The following PPP1R9B variants were observed in gnomAD, a reference collection of about 807,000 sequenced individuals.
PPP1R9B encodes protein phosphatase 1 regulatory subunit 9B.
Under a neutral mutation model 75.8 loss-of-function variants are expected in PPP1R9B, and 17 were observed. The observed-to-expected ratio is 0.22, with a 90% CI of 0.15 to 0.34. The LOEUF (loss-of-function observed/expected upper bound fraction) is 0.34, where lower values mean the gene tolerates loss of function less well. Among genes scored for constraint, PPP1R9B ranks in the 10% least tolerant of loss-of-function variants. The pLI is 1.00. For synonymous variants in PPP1R9B, 509 were observed against 535.4 expected (o/e 0.95, Z 0.68); for missense variants, 875 against 1,196.0 (o/e 0.73, Z 3.96).
intron 1 of PPP1R9B, among the ~76,000 whole-genome samples, chr17:50,145,685 G>A (rs1912497823): frequency 6.6e-6 from 1 of 152,240 alleles, no homozygotes; most frequent in Non-Finnish European, 1.5e-5. Context: ...GGGAAGAGGA[G>A]GAGGGGAGAG....
intron 2 of PPP1R9B, among the ~76,000 whole-genome samples, chr17:50,144,543 C>T (rs1912465643): frequency 6.6e-6 from 1 of 152,176 alleles, no homozygotes; most frequent in Non-Finnish European, 1.5e-5. Flanking sequence ...GCCTCATTTG[C>T]ATGCTCTTCT....
At chr17:50,146,866 C>T (rs769555320) in intron 1 of PPP1R9B, among the ~76,000 whole-genome samples, 9 of 152,208 alleles carry the variant, frequency 5.9e-5, no homozygotes, top group Non-Finnish European at 1.2e-4. Flanking sequence ...GTTTCCACTG[C>T]ACACATGCCC....
intron 1 of PPP1R9B, among the ~76,000 whole-genome samples, chr17:50,145,497 C>T (rs1912490670): frequency 6.6e-6 from 1 of 152,194 alleles, no homozygotes; most frequent in African/African-American, 2.4e-5. Flanking sequence ...TCTGTAGCTC[C>T]AACCAGCGTG....
chr17:50,135,316 A>G lies in PPP1R9B; in HGVS notation c.*15T>C, dbSNP rs572933293. ...GAGGGGGGTTAATTATTGTCCAGTCATGGAATGATTCCTGTTAAGTAGAAT... is the reference window on the plus strand; with the variant it reads ...GAGGGGGGTTAATTATTGTCCAGTCGTGGAATGATTCCTGTTAAGTAGAAT... On this transcript the variant is annotated 3_prime_UTR_variant, in exon 10 of 10. Coordinates refer to ENST00000612501, the MANE Select transcript of PPP1R9B (RefSeq NM_032595.5). 6 of 1,607,906 alleles carry G rather than the reference A, an allele frequency of 3.7e-6. No individual in the cohort carries two copies. The South Asian group carries it at 6.6e-5, about 18-fold the overall frequency.
chr17:50,150,308 C>G lies in PPP1R9B; in HGVS notation c.206G>C (p.Gly69Ala), dbSNP rs1227728813. ...SMFLQMGTTA[G>A]PSGEAGGGAG... ...GCCGCCGCCCGCCTCGCCCGAGGGCCCCGCCGTCGTGCCCATCTGCAGGAA... is the reference window on the plus strand; with the variant it reads ...GCCGCCGCCCGCCTCGCCCGAGGGCGCCGCCGTCGTGCCCATCTGCAGGAA... The change falls in exon 1 of 10, where the codon GGG (glycine) becomes GCG (alanine). Residue 69 changes from glycine (G) to alanine (A), a missense_variant. By Grantham distance (60) the Gly-to-Ala change is moderately conservative (BLOSUM62 0). Coordinates refer to ENST00000612501, the MANE Select transcript of PPP1R9B (RefSeq NM_032595.5). The surrounding 1 kb of genome is among the most constrained non-coding windows in gnomAD (Gnocchi z 8.7). The G allele has an allele frequency of 1.4e-6, 2 of 1,440,894 alleles. No individual in the cohort carries two copies. The highest frequency in any genetic ancestry group is 5.9e-5 in the Admixed American group (2 of 33,916). The allele number at this position is 1,440,894 out of a possible 1,614,324, so 89.3% of individuals were successfully genotyped here. A position where few individuals can be genotyped will look rare whatever the true frequency, so the allele number is the denominator to read the frequency against.
At position 50,141,668 on chromosome 17, in the gene PPP1R9B, AAAAAAAAAAC is replaced by A. The variant is rs1316923620; in HGVS notation, c.1626-305_1626-296del. On this transcript the variant is annotated intron_variant, in intron 3 of 9. Transcript: ENST00000612501. Reference sequence around the variant, plus strand: ...ACAGAGTAAGACCCTGCCTCAAAAAAAAAAAAAAACAAAAAAAAACAAGAAAAGAAAACAA... The same window carrying A: ...ACAGAGTAAGACCCTGCCTCAAAAAAAAAAAAAAACAAGAAAAGAAAACAA... Among the ~76,000 whole-genome samples, 19 of 151,838 alleles carry A rather than the reference AAAAAAAAAAC, an allele frequency of 1.3e-4. No individual in the cohort carries two copies. The East Asian group carries it at 1.5e-3, about 12-fold the overall frequency.
At chr17:50,138,107 AG>A (rs1912274241) in intron 7 of PPP1R9B, among the ~76,000 whole-genome samples, 1 of 151,704 alleles carries the variant, frequency 6.6e-6, no homozygotes, top group South Asian at 2.1e-4. Context: ...CATGCCTGTG[AG>A]GGTGCTGGCA....
rs1567727192 is a variant in PPP1R9B at position 50,136,009 on chromosome 17, C to T, written c.2262G>A (p.Lys754=). The T allele has an allele frequency of 1.9e-6, 3 of 1,598,926 alleles. No individual in the cohort carries two copies. The highest frequency in any genetic ancestry group is 1.7e-4 in the Middle Eastern group (1 of 6,044). ...TGATGAGGCGCTTGGCCTTGCTGTA[C>T]TTGCGCTCCAGGGCCTGGTACTGCG... is the stretch of plus-strand genomic sequence containing the variant. The part of the protein sequence containing the change: ...TQAQYQALER[K]YSKAKRLIKD... Residue 754 remains lysine (K), a synonymous_variant, in exon 8 of 10, where the codon AAG becomes AAA. Transcript: ENST00000612501.
chr17:50,150,094 C>T lies in PPP1R9B; in HGVS notation c.420G>A (p.Pro140=). 7.2e-7 allele frequency: 1 copy of T among 1,397,488 alleles called. No homozygotes were observed. The highest frequency in any genetic ancestry group is 9.2e-7 in the Non-Finnish European group (1 of 1,081,316). The allele number at this position is 1,397,488 out of a possible 1,614,324, so 86.6% of individuals were successfully genotyped here. A position where few individuals can be genotyped will look rare whatever the true frequency, so the allele number is the denominator to read the frequency against. ...TCCGCGTCTCCTGCAGCCGGGACGG[C>T]GGGTGCGGCGGCGGCGCAGGCTGCG... The part of the protein sequence containing the change: ...PSAQPAPPPH[P]PSRLQETRKL... The change falls in exon 1 of 10, where the codon CCG becomes CCA. Residue 140 remains proline (P), a synonymous_variant. Coordinates refer to ENST00000612501, the MANE Select transcript of PPP1R9B (RefSeq NM_032595.5). This position sits in a 1 kb window ranked among gnomAD's most constrained non-coding sequence, Gnocchi z 8.7.
intron 2 of PPP1R9B, 111 bp from the exon 3 acceptor site, chr17:50,143,829 G>T: frequency 6.9e-7 from 1 of 1,444,968 alleles, no homozygotes; most frequent in South Asian, 1.2e-5. Context: ...CCCCATTAGG[G>T]GATGTCCCAC....
chr17:50,141,300 A>T lies in PPP1R9B; in HGVS notation c.1699T>A (p.Ser567Thr). ...CGGCCCTTGGTGTTCCGGAGCACAG[A>T]CGCCGCGAAGCTCTGGGTCACTCCC... The part of the protein sequence containing the change: ...LVGVTQSFAA[S>T]VLRNTKGRVR... Residue 567 changes from serine (S) to threonine (T), a missense_variant, in exon 4 of 10, where the codon TCT becomes ACT. This residue lies in a region of PPP1R9B where 218 missense variants were observed against 334.6 expected (regional missense o/e 0.65). Coordinates refer to ENST00000612501, the MANE Select transcript of PPP1R9B (RefSeq NM_032595.5). 6.3e-7 allele frequency: 1 copy of T among 1,590,144 alleles called. No homozygotes were observed. The highest frequency in any genetic ancestry group is 8.6e-7 in the Non-Finnish European group (1 of 1,169,170).
intron 3 of PPP1R9B, among the ~76,000 whole-genome samples, 171 bp downstream of exon 3, chr17:50,143,427 G>A (rs1456294069): frequency 6.6e-6 from 1 of 152,198 alleles, no homozygotes; most frequent in African/African-American, 2.4e-5. Context: ...TATTTCTGGG[G>A]CCTGGAACAG....
chr17:50,134,360 T>C lies in PPP1R9B; in HGVS notation c.*971A>G, dbSNP rs1446606769. The C allele has an allele frequency of 6.5e-6, 1 of 152,758 alleles. No individual in the cohort carries two copies. Among genetic ancestry groups the C allele is most frequent in the Non-Finnish European group, 1.5e-5 (1 of 68,120 alleles). The allele number at this position is 152,758 out of a possible 1,614,324, so 9.5% of individuals were successfully genotyped here. A position where few individuals can be genotyped will look rare whatever the true frequency, so the allele number is the denominator to read the frequency against. On this transcript the variant is annotated 3_prime_UTR_variant, in exon 10 of 10. Coordinates refer to ENST00000612501, the MANE Select transcript of PPP1R9B (RefSeq NM_032595.5). ...TGGGGGCGAGGCTGACTCCCTGCAATGTCAGTAGGCTTCCAGGCATCGCCC... is the reference window on the plus strand; with the variant it reads ...TGGGGGCGAGGCTGACTCCCTGCAACGTCAGTAGGCTTCCAGGCATCGCCC...
At position 50,149,066 on chromosome 17, in the gene PPP1R9B, T is replaced by C; in HGVS notation, c.1371+77A>G. ...GCTGACTCAGCCTGCCAAACCCGGC[T>C]GGCTGGCTGGCGAGCGGGGGCGGCC... On this transcript the variant is annotated intron_variant, in intron 1 of 9. Transcript: ENST00000612501. This position sits in a 1 kb window ranked among gnomAD's most constrained non-coding sequence, Gnocchi z 7.2. The C allele has an allele frequency of 2.0e-6, 2 of 997,512 alleles. No individual in the cohort carries two copies. The highest frequency in any genetic ancestry group is 2.0e-5 in the South Asian group (1 of 51,132). 61.8% of individuals were successfully genotyped at this position (997,512 alleles called of 1,614,324 possible).
rs375645220 is a variant in PPP1R9B, at chr17:50,139,537, C to T, written c.1911G>A (p.Thr637=). 1.8e-5 allele frequency: 29 copies of T among 1,592,228 alleles called. No homozygotes were observed. The highest frequency in any genetic ancestry group is 2.3e-5 in the Non-Finnish European group (27 of 1,167,818). ...CGATGGCCATCTCACCACCCGGGAACGTGGGGCTCAGCTCCTCATCCTCGT... is the reference window on the plus strand; with the variant it reads ...CGATGGCCATCTCACCACCCGGGAATGTGGGGCTCAGCTCCTCATCCTCGT... ...ATDEDEELSP[T]FPGGEMAIEV... is the part of the protein sequence containing the mutation. The change falls in exon 6 of 10, where the codon ACG becomes ACA. Residue 637 remains threonine, a synonymous_variant. Coordinates refer to ENST00000612501, the MANE Select transcript of PPP1R9B (RefSeq NM_032595.5). The surrounding 1 kb of genome is among the most constrained non-coding windows in gnomAD (Gnocchi z 5.0).
rs571972613 is a variant in PPP1R9B at position 50,139,475 on chromosome 17, G to A, written c.1973C>T (p.Ser658Phe). Residue 658 changes from serine (S) to phenylalanine (F), a missense_variant, in exon 6 of 10, where the codon TCC (serine) becomes TTC (phenylalanine). This residue lies in a region of PPP1R9B where 218 missense variants were observed against 334.6 expected (regional missense o/e 0.65). Transcript: ENST00000612501. This position sits in a 1 kb window ranked among gnomAD's most constrained non-coding sequence, Gnocchi z 5.0. ...CTTCTCGGGCTCCATGTCCACAGGG[G>A]ACAGTGCATCCTCGTTCTCCGCTAG... ...FELAENEDAL[S>F]PVDMEPEKLV... The A allele has an allele frequency of 3.7e-6, 6 of 1,605,424 alleles. No individual in the cohort carries two copies. The East Asian group carries it at 1.3e-4, about 36-fold the overall frequency.
intron 3 of PPP1R9B, 68 bp downstream of exon 3, chr17:50,143,530 C>G: frequency 6.7e-6 from 10 of 1,484,324 alleles, no homozygotes; most frequent in South Asian, 1.1e-5. Flanking sequence ...TGCTCAGTGG[C>G]CCACCCCACC....
chr17:50,149,931 C>A lies in PPP1R9B; in HGVS notation c.583G>T (p.Ala195Ser). The stretch of plus-strand genomic sequence containing the variant: ...GCGTCAGCGTCCAGCTTGTCCAGCG[C>A]CTCGGTGCTGCCGTTGAAGCGCACC... ...VVVRFNGSTE[A>S]LDKLDADAVS... The change falls in exon 1 of 10, where the codon GCG becomes TCG. Residue 195 changes from alanine to serine, a missense_variant. Ala to Ser is a moderately conservative substitution (Grantham distance 99). Coordinates refer to ENST00000612501, the MANE Select transcript of PPP1R9B (RefSeq NM_032595.5). This position sits in a 1 kb window ranked among gnomAD's most constrained non-coding sequence, Gnocchi z 7.2. 1 of 1,512,164 alleles carries A rather than the reference C, an allele frequency of 6.6e-7. No individual in the cohort carries two copies. The highest frequency in any genetic ancestry group is 8.8e-7 in the Non-Finnish European group (1 of 1,137,618). 93.7% of individuals were successfully genotyped at this position (1,512,164 alleles called of 1,614,324 possible). A position where few individuals can be genotyped will look rare whatever the true frequency, so the allele number is the denominator to read the frequency against.
chr17:50,135,104 A>G lies in PPP1R9B; in HGVS notation c.*227T>C, dbSNP rs1567726877. ...CCTCTGTGCCTCAGCCCCATGGGGC[A>G]AGAAAGAGGCTGCCCTTCTAGCCAC... On this transcript the variant is annotated 3_prime_UTR_variant, in exon 10 of 10. Transcript: ENST00000612501. The G allele has an allele frequency of 3.4e-6, 2 of 585,322 alleles. No individual in the cohort carries two copies. Among genetic ancestry groups the G allele is most frequent in the Non-Finnish European group, 6.1e-6 (2 of 326,778 alleles). The allele number at this position is 585,322 out of a possible 1,614,324, so 36.3% of individuals were successfully genotyped here.
Sources: gnomAD v4.1 joint callset for allele counts (sites outside exome capture counted in the v4.1 genomes callset) on GRCh38, gnomAD v4.1.1 for gene constraint, gnomAD v4.1.1 regional missense constraint, Gnocchi (gnomAD v3.1) non-coding constraint, MANE v1.5 for transcripts, NCBI Gene and HGNC (gene_info 2026-07-23, HGNC 2026-07-21) for gene names.